The following TJP2 variants were observed in gnomAD, a reference collection of about 807,000 sequenced individuals.
TJP2 encodes the protein tight junction protein 2.
A neutral mutation model predicts 133.1 loss-of-function variants in TJP2; 91 were observed. That is an observed-to-expected ratio of 0.68 (90% CI 0.58 to 0.81). The LOEUF (loss-of-function observed/expected upper bound fraction) is 0.81, where lower values mean the gene tolerates loss of function less well. TJP2 is among the 40% of genes least tolerant of loss of function. The pLI, the probability that TJP2 is intolerant of heterozygous loss-of-function variation, is 0.00. For missense variants in TJP2, 1,541 were observed against 1,565.6 expected (o/e 0.98, Z 0.26); for synonymous variants, 592 against 583.4 (o/e 1.01, Z -0.21).
Position 69,163,183 on chromosome 9 carries a change from G to A in TJP2, c.-10+11412G>A, listed in dbSNP as rs1201817109. Among the ~76,000 whole-genome samples the A allele has an allele frequency of 7.5e-5, 8 of 106,174 alleles. 2 individuals are homozygous for A. Among genetic ancestry groups the A allele is most frequent in the Non-Finnish European group, 1.5e-4 (8 of 52,144 alleles). 69.7% of individuals were successfully genotyped at this position (106,174 alleles called of 152,430 possible). A position where few individuals can be genotyped will look rare whatever the true frequency, so the allele number is the denominator to read the frequency against. On this transcript the variant is annotated intron_variant, in intron 2 of 5. Coordinates refer to the TJP2 transcript ENST00000423935. The stretch of plus-strand genomic sequence containing the variant: ...TGGGACTACAGGCGCCCGCCACTAC[G>A]CCCGGCTAATTTTTTTTGTATTTTT...
chr9:69,148,450 C>G (rs1215507140), intron 1 of TJP2, among the ~76,000 whole-genome samples: 1 of 149,844 alleles, frequency 6.7e-6, no homozygotes, highest in African/African-American at 2.5e-5. Flanking sequence ...TCTTGGCTCA[C>G]TGTAATCTCT....
chr9:69,239,220 G>A (rs940127060), intron 16 of TJP2, among the ~76,000 whole-genome samples: 1 of 148,196 alleles, frequency 6.7e-6, no homozygotes, highest in Non-Finnish European at 1.5e-5. Flanking sequence ...AATGCAAACC[G>A]TTTCACTGTG....
At chr9:69,217,507 A>G (rs1351552604) in intron 3 of TJP2, among the ~76,000 whole-genome samples, 1 of 152,150 alleles carries the variant, frequency 6.6e-6, no homozygotes, top group Non-Finnish European at 1.5e-5. Flanking sequence ...CAGGTGTTCA[A>G]GATCAGCCTG....
intron 1 of TJP2, among the ~76,000 whole-genome samples, chr9:69,174,670 T>C (rs903638418): frequency 2.0e-5 from 3 of 152,160 alleles, no homozygotes; most frequent in Non-Finnish European, 4.4e-5. Context: ...GGCTGGAGAT[T>C]AAGGCGCGAG....
At chr9:69,174,573 G>C (rs1456279035) in intron 1 of TJP2, 141 bp downstream of exon 1, 3 of 1,055,110 alleles carry the variant, frequency 2.8e-6, no homozygotes, top group Non-Finnish European at 4.2e-6. Context: ...TCCGGACGTG[G>C]GACGCAGGGG....
chr9:69,220,903 G>A lies in TJP2; in HGVS notation c.359G>A (p.Arg120Gln), dbSNP rs1318774397. 1.2e-6 allele frequency: 2 copies of A among 1,612,298 alleles called. No homozygotes were observed. The highest frequency in any genetic ancestry group is 1.7e-6 in the Non-Finnish European group (2 of 1,180,018). ...TGACAACAGGTGGTCAAGAGGCCCCGGAAGGTCCAGGTGGCCGCACTTCAG... is the reference window on the plus strand; with the variant it reads ...TGACAACAGGTGGTCAAGAGGCCCCAGAAGGTCCAGGTGGCCGCACTTCAG... Reference protein sequence around the residue: ...KVAAIVVKRPRKVQVAALQAS... With the variant: ...KVAAIVVKRPQKVQVAALQAS... Residue 120 changes from arginine to glutamine, a missense_variant, in exon 5 of 23, where the codon CGG becomes CAG. Physicochemically the swap from Arg to Gln is conservative, Grantham distance 43. Coordinates refer to ENST00000377245, the MANE Select transcript of TJP2 (RefSeq NM_004817.4).
intron 3 of TJP2, among the ~76,000 whole-genome samples, chr9:69,217,607 G>A (rs1456505432): frequency 3.9e-5 from 6 of 152,096 alleles, no homozygotes; most frequent in African/African-American, 1.4e-4. Context: ...CTTTGAGCTC[G>A]GGAAGTTGAG....
At position 69,205,642 on chromosome 9, in the gene TJP2, C is replaced by T. The variant is rs547690410; in HGVS notation, c.61-6906C>T. Among the ~76,000 whole-genome samples the T allele has an allele frequency of 4.7e-4, 71 of 152,356 alleles. No homozygotes were observed. In the Middle Eastern group the frequency reaches 0.014, roughly 29 times the overall value. On this transcript the variant is annotated intron_variant, in intron 1 of 22. Coordinates refer to ENST00000377245, the MANE Select transcript of TJP2 (RefSeq NM_004817.4). Reference sequence around the variant, plus strand: ...CTATATTCTTATTATGTCTAGGCTTCTAACTTAGAAGAAAAAGTGTTTTTC... The same window carrying T: ...CTATATTCTTATTATGTCTAGGCTTTTAACTTAGAAGAAAAAGTGTTTTTC...
chr9:69,173,594 T>C (rs1824811269), upstream of TJP2, among the ~76,000 whole-genome samples: 2 of 152,154 alleles, frequency 1.3e-5, no homozygotes, highest in African/African-American at 4.8e-5. Flanking sequence ...AATACGAACA[T>C]CTTATAACCC....
In TJP2 at chr9:69,236,160, A is replaced by C. The variant is rs1271803033; in HGVS notation, c.1913A>C (p.Tyr638Ser). The part of the protein sequence containing the change: ...GEVFRVVDTL[Y>S]DGKLGNWLAV... ...GTCTTCCGAGTGGTAGACACACTGT[A>C]TGACGGCAAGCTGGGCAACTGGCTG... The change falls in exon 13 of 23, where the codon TAT becomes TCT. Residue 638 changes from tyrosine to serine, a missense_variant. By Grantham distance (144) the Tyr-to-Ser change is moderately radical. Coordinates refer to ENST00000377245, the MANE Select transcript of TJP2 (RefSeq NM_004817.4). The C allele has an allele frequency of 1.2e-6, 2 of 1,614,198 alleles. No individual in the cohort carries two copies. The highest frequency in any genetic ancestry group is 1.7e-6 in the Non-Finnish European group (2 of 1,180,022).
rs1367242726 is a variant in TJP2 at position 69,174,433 on chromosome 9, G to C, written c.60+1G>C. The C allele has an allele frequency of 9.7e-6, 15 of 1,551,272 alleles. No homozygotes were observed. In the South Asian group the frequency reaches 1.2e-4, roughly 12 times the overall value. ...GCGGGAGCTGTCAGGTTGGCTCCGC[G>C]TAAGTGCCTCCTTGTGCCGCGCGGT... On this transcript the variant is annotated splice_donor_variant, in intron 1 of 22. Coordinates refer to ENST00000377245, the MANE Select transcript of TJP2 (RefSeq NM_004817.4). LOFTEE classifies it high-confidence loss of function.
At chr9:69,237,596 G>GGCTTGTGGTAGGAGGATC (rs1554665948) in intron 14 of TJP2, among the ~76,000 whole-genome samples, 2 of 151,842 alleles carry the variant, frequency 1.3e-5, no homozygotes, top group African/African-American at 4.8e-5. Context: ...CTACTCAGGA[G>GGCTTGTGGTAGGAGGATC]GCTTGAGCCT....
Position 69,137,271 on chromosome 9 carries a change from T to TTTTCTTTCTTTC in TJP2, c.-130-14360_-130-14349dup, listed in dbSNP as rs71507118. 5.1e-4 allele frequency among the ~76,000 whole-genome samples: 47 copies of TTTTCTTTCTTTC among 92,084 alleles called. 1 individual carries two copies. Among genetic ancestry groups the TTTTCTTTCTTTC allele is most frequent in the African/African-American group, 2.1e-3 (42 of 20,174 alleles). 60.4% of individuals were successfully genotyped at this position (92,084 alleles called of 152,430 possible). A position where few individuals can be genotyped will look rare whatever the true frequency, so the allele number is the denominator to read the frequency against. ...TCTCTTTCTTTCTTTCTTTCTTTCT[T>TTTTCTTTCTTTC]TTTCTTTCTTTCTTTCTTTCTTTCT... On this transcript the variant is annotated intron_variant, in intron 1 of 5. Coordinates refer to the TJP2 transcript ENST00000423935.
intron 2 of TJP2, among the ~76,000 whole-genome samples, chr9:69,152,817 CTTTTTTTTT>C (rs10543289): frequency 8.3e-5 from 4 of 47,996 alleles, no homozygotes; most frequent in African/African-American, 1.4e-4. Context: ...CTCTGGAGCT[CTTTTTTTTT>C]TTTTTTTTTT....
At chr9:69,177,730 T>C (rs2132962538) in intron 1 of TJP2, among the ~76,000 whole-genome samples, 1 of 152,082 alleles carries the variant, frequency 6.6e-6, no homozygotes, top group African/African-American at 2.4e-5. Context: ...CTGCAACCTC[T>C]GCCTCCCGGG....
chr9:69,233,380 T>C (rs1829932486), intron 11 of TJP2, among the ~76,000 whole-genome samples: 1 of 152,256 alleles, frequency 6.6e-6, no homozygotes, highest in Non-Finnish European at 1.5e-5. Flanking sequence ...AGGAATTTTA[T>C]ATCTTTATTT....
chr9:69,234,576 T>TGGGGGG (rs766648216), intron 12 of TJP2, 29 bp downstream of exon 12: 1 of 228,390 alleles, frequency 4.4e-6, no homozygotes. Context: ...TTAGTTTAGT[T>TGGGGGG]GGGGTGGGGG....
chr9:69,247,378 C>T (rs1224624989), intron 18 of TJP2, among the ~76,000 whole-genome samples: 1 of 152,298 alleles, frequency 6.6e-6, no homozygotes. Context: ...CCTGTGGCCG[C>T]TTTTATTTTA....
At chr9:69,129,415 G>A (rs540305580) in intron 1 of TJP2, among the ~76,000 whole-genome samples, 11 of 152,000 alleles carry the variant, frequency 7.2e-5, no homozygotes, top group Non-Finnish European at 7.4e-5. Flanking sequence ...GGAGGCTGAG[G>A]TGGGAGAATC....
Sources: allele counts gnomAD v4.1 joint callset (sites outside exome capture counted in the v4.1 genomes callset), GRCh38; gene constraint gnomAD v4.1.1; transcripts MANE v1.5; gene names NCBI Gene and HGNC (gene_info 2026-07-23, HGNC 2026-07-21).